Variants in OTOGL observed in about 807,000 individuals in gnomAD.
OTOGL encodes the protein otogelin-like protein.
Under a neutral mutation model 318.5 loss-of-function variants are expected in OTOGL, and 285 were observed. The ratio of observed to expected loss-of-function variants is 0.89; its 90% CI spans 0.81 to 0.99. The LOEUF is 0.99. Ranked by LOEUF, OTOGL falls within the 50% of genes least tolerant of loss-of-function variation. The pLI is 0.00. For synonymous variants in OTOGL, 987 were observed against 936.5 expected (o/e 1.05, Z -0.99); for missense variants, 2,899 against 2,845.6 (o/e 1.02, Z -0.43).
At chr12:80,208,367 G>A (rs1172041677) in intron 1 of OTOGL, 1 of 385,692 alleles carries the variant, frequency 2.6e-6, no homozygotes, top group Non-Finnish European at 5.0e-6. Flanking sequence ...AGAGTTGTCT[G>A]GGTACAACAG....
chr12:80,127,432 C>G (rs996232937), intron 1 of OTOGL, among the ~76,000 whole-genome samples: 5 of 152,174 alleles, frequency 3.3e-5, no homozygotes, highest in Non-Finnish European at 7.3e-5. Context: ...GATGGGCTTC[C>G]CTTTGTGGGT....
chr12:80,315,869 C>T (rs1250074434), intron 32 of OTOGL, among the ~76,000 whole-genome samples: 1 of 152,134 alleles, frequency 6.6e-6, no homozygotes, highest in African/African-American at 2.4e-5. Context: ...GAGACTGCCA[C>T]ACACGTGCAT....
chr12:80,185,778 A>C (rs2137249637), intron 1 of OTOGL, among the ~76,000 whole-genome samples: 1 of 152,352 alleles, frequency 6.6e-6, no homozygotes, highest in East Asian at 1.9e-4. Flanking sequence ...CATGGGTCCT[A>C]TGTGCTTACT....
chr12:80,227,598 C>A (rs532368207), intron 7 of OTOGL, among the ~76,000 whole-genome samples: 3 of 152,258 alleles, frequency 2.0e-5, no homozygotes, highest in East Asian at 3.9e-4. Flanking sequence ...ATTAGATAAA[C>A]CCCCAAATAT....
At chr12:80,288,011 G>A (rs1884763926) in intron 26 of OTOGL, among the ~76,000 whole-genome samples, 1 of 152,054 alleles carries the variant, frequency 6.6e-6, no homozygotes, top group Non-Finnish European at 1.5e-5. Flanking sequence ...TTTATATTTT[G>A]ATATGTTTTT....
At chr12:80,198,526 G>T (rs1039560928) in intron 1 of OTOGL, among the ~76,000 whole-genome samples, 1 of 152,206 alleles carries the variant, frequency 6.6e-6, no homozygotes, top group Non-Finnish European at 1.5e-5. Context: ...GGAGGCTGCA[G>T]TGAGCCGAGA....
chr12:80,363,489 A>T (rs1397578769), intron 52 of OTOGL, among the ~76,000 whole-genome samples: 4 of 152,184 alleles, frequency 2.6e-5, no homozygotes, highest in African/African-American at 7.2e-5. Flanking sequence ...GCAAAATGAA[A>T]GACTGGCCTT....
intron 26 of OTOGL, among the ~76,000 whole-genome samples, chr12:80,293,120 G>A (rs1011534962): frequency 6.6e-6 from 1 of 152,124 alleles, no homozygotes; most frequent in African/African-American, 2.4e-5. Context: ...TGGTAGACAG[G>A]AGACTCAGTT....
chr12:80,106,742 C>A (rs1869477734), intron 1 of OTOGL, among the ~76,000 whole-genome samples: 1 of 152,136 alleles, frequency 6.6e-6, no homozygotes, highest in Non-Finnish European at 1.5e-5. Flanking sequence ...TTTAATTAAT[C>A]ATACTGTATA....
intron 1 of OTOGL, among the ~76,000 whole-genome samples, chr12:80,194,335 C>G (rs1875897321): frequency 6.6e-6 from 1 of 152,084 alleles, no homozygotes; most frequent in Non-Finnish European, 1.5e-5. Context: ...CCCCTTTTTG[C>G]TTAATGCTTG....
rs75468371 is a variant in OTOGL, at chr12:80,253,672, A to G, written c.1394+98A>G. 11,142 of 916,754 alleles carry G rather than the reference A, an allele frequency of 0.012. 867 individuals are homozygous for G. The African/African-American group carries it at 0.17, about 14-fold the overall frequency. 56.8% of individuals were successfully genotyped at this position (916,754 alleles called of 1,614,324 possible). On this transcript the variant is annotated intron_variant, in intron 14 of 58. Coordinates refer to ENST00000547103, the MANE Select transcript of OTOGL (RefSeq NM_001378609.3). ...AAAGGAATATACTCATTACTAATTTACTTCCCAAATTCCAACACAAAACTT... is the reference window on the plus strand; with the variant it reads ...AAAGGAATATACTCATTACTAATTTGCTTCCCAAATTCCAACACAAAACTT...
intron 32 of OTOGL, among the ~76,000 whole-genome samples, chr12:80,317,477 T>C (rs766449050): frequency 6.6e-6 from 1 of 152,122 alleles, no homozygotes; most frequent in Non-Finnish European, 1.5e-5. Flanking sequence ...GGGAGAGATT[T>C]TGTTTCTCTG....
intron 1 of OTOGL, among the ~76,000 whole-genome samples, chr12:80,134,172 C>A (rs568166259): frequency 6.6e-6 from 1 of 152,086 alleles, no homozygotes; most frequent in Admixed American, 6.6e-5. Context: ...GATTATTTTC[C>A]TCTCTCCCCA....
intron 7 of OTOGL, among the ~76,000 whole-genome samples, chr12:80,228,675 A>G (rs1353766589): frequency 2.0e-5 from 3 of 151,634 alleles, no homozygotes; most frequent in African/African-American, 7.3e-5. Flanking sequence ...AAAATAATCT[A>G]AGCTTCCTCT....
intron 30 of OTOGL, among the ~76,000 whole-genome samples, chr12:80,313,218 C>T (rs567134744): frequency 2.0e-5 from 3 of 152,006 alleles, no homozygotes; most frequent in African/African-American, 7.3e-5. Flanking sequence ...AAAAATTAAT[C>T]TGTTATATTG....
At chr12:80,256,538 A>C in intron 17 of OTOGL, 78 bp downstream of exon 17, 2 of 1,355,212 alleles carry the variant, frequency 1.5e-6, no homozygotes, top group South Asian at 1.5e-5. Context: ...CGCAAACAAA[A>C]TGGGATCTTT....
intron 28 of OTOGL, among the ~76,000 whole-genome samples, chr12:80,303,217 G>A (rs975977600): frequency 1.4e-4 from 21 of 152,016 alleles, no homozygotes; most frequent in East Asian, 3.9e-4. Context: ...GTGCAGTGGC[G>A]CAATCTCAGC....
chr12:80,320,867 G>T (rs542907380), intron 34 of OTOGL, among the ~76,000 whole-genome samples, 167 bp downstream of exon 34: 4 of 151,930 alleles, frequency 2.6e-5, no homozygotes, highest in African/African-American at 7.3e-5. Context: ...TCCAATATAC[G>T]TATTGGAGAA....
intron 18 of OTOGL, among the ~76,000 whole-genome samples, chr12:80,259,966 G>A (rs1400273405): frequency 6.6e-6 from 1 of 152,000 alleles, no homozygotes; most frequent in African/African-American, 2.4e-5. Context: ...AGCATTCAAA[G>A]TTAAATCTGA....
Sources: allele counts gnomAD v4.1 joint callset (sites outside exome capture counted in the v4.1 genomes callset), GRCh38; gene constraint gnomAD v4.1.1; transcripts MANE v1.5; gene names NCBI Gene and HGNC (gene_info 2026-07-23, HGNC 2026-07-21).